The following XPA variants were observed in gnomAD, a reference collection of about 807,000 sequenced individuals.
XPA encodes DNA repair protein complementing XP-A cells.
A neutral mutation model predicts 35.7 loss-of-function variants in XPA; 27 were observed. That is an observed-to-expected ratio of 0.76 (90% CI 0.56 to 1.04). The LOEUF is 1.04. Among genes scored for constraint, XPA ranks in the 50% least tolerant of loss-of-function variants. The pLI is 0.00. For missense variants in XPA, 354 were observed against 342.7 expected, an observed-to-expected ratio of 1.03 and a Z score of -0.26; for synonymous variants, 133 against 118.4, an observed-to-expected ratio of 1.12 and a Z score of -0.80.
the XPA span, chr9:97,654,754 T>C: frequency 1.2e-6 from 1 of 838,602 alleles, no homozygotes; most frequent in African/African-American, 1.7e-5. Flanking sequence ...CAAGATTGAT[T>C]GTGTGAAAAG....
intron 3 of XPA, 89 bp from the exon 4 acceptor site, chr9:97,687,350 C>CA (rs1828752294): frequency 3.6e-6 from 4 of 1,124,850 alleles, no homozygotes; most frequent in Non-Finnish European, 4.9e-6. Flanking sequence ...GCACACACAG[C>CA]AAAAAGGACA....
At chr9:97,688,495 C>T (rs1442550477) in intron 3 of XPA, among the ~76,000 whole-genome samples, 1 of 152,190 alleles carries the variant, frequency 6.6e-6, no homozygotes, top group Non-Finnish European at 1.5e-5. Context: ...TTTGCTATGG[C>T]AAGGTAATAT....
chr9:97,683,631 A>G (rs1400491054), intron 5 of XPA, among the ~76,000 whole-genome samples: 1 of 152,254 alleles, frequency 6.6e-6, no homozygotes, highest in East Asian at 1.9e-4. Flanking sequence ...AGGAAGAGCA[A>G]AAATTAAAAT....
intron 2 of XPA, among the ~76,000 whole-genome samples, chr9:97,692,569 G>A (rs1378584239): frequency 6.6e-6 from 1 of 152,162 alleles, no homozygotes; most frequent in African/African-American, 2.4e-5. Flanking sequence ...AAGAGAAAGT[G>A]TGGTAGAAAT....
chr9:97,655,804 A>G, the XPA span: 1 of 1,545,114 alleles, frequency 6.5e-7, no homozygotes, highest in Non-Finnish European at 8.8e-7. Context: ...GTAGTCAAAA[A>G]ACTACTAATG....
At chr9:97,688,429 C>G (rs956365424) in intron 3 of XPA, among the ~76,000 whole-genome samples, 1 of 152,158 alleles carries the variant, frequency 6.6e-6, no homozygotes, top group Admixed American at 6.5e-5. Context: ...CCTGGATAAC[C>G]CAGGATAATC....
downstream of XPA, chr9:97,672,059 G>A (rs1469876174): frequency 1.3e-5 from 2 of 152,216 alleles, no homozygotes; most frequent in East Asian, 3.8e-4. Context: ...TGAATTAGAT[G>A]TGAGTTTAGA....
intron 5 of XPA, among the ~76,000 whole-genome samples, chr9:97,681,395 TC>T (rs1171776516): frequency 5.3e-5 from 8 of 152,080 alleles, no homozygotes; most frequent in Admixed American, 3.9e-4. Context: ...GAACTGAGTC[TC>T]CCGAACTCTC....
At chr9:97,664,753 A>T in the XPA span, among the ~76,000 whole-genome samples, 5 of 152,314 alleles carry the variant, frequency 3.3e-5, no homozygotes, top group South Asian at 1.0e-3. Flanking sequence ...GCAGAGTCTC[A>T]GCTAGTCCAG....
the XPA span, chr9:97,668,839 T>C: frequency 6.2e-7 from 1 of 1,608,884 alleles, no homozygotes; most frequent in Non-Finnish European, 8.5e-7. Context: ...TCATTTGCCT[T>C]CTATAGCGAA....
chr9:97,658,718 T>A, the XPA span: 2 of 1,610,758 alleles, frequency 1.2e-6, no homozygotes, highest in Non-Finnish European at 1.7e-6. Flanking sequence ...CAACCTGCAT[T>A]TACAAGTATG....
chr9:97,695,103 A>G (rs1292424528), intron 1 of XPA, among the ~76,000 whole-genome samples: 2 of 152,230 alleles, frequency 1.3e-5, no homozygotes, highest in Admixed American at 6.5e-5. Context: ...GGAAGGCGCA[A>G]TAGGAAAACT....
downstream of XPA, chr9:97,673,892 A>G (rs937375566): frequency 6.6e-6 from 1 of 152,208 alleles, no homozygotes; most frequent in African/African-American, 2.4e-5. Context: ...GAGGGTGAAT[A>G]GAAGCATCCC....
chr9:97,693,890 T>C, intron 1 of XPA, 131 bp from the exon 2 acceptor site: 3 of 835,582 alleles, frequency 3.6e-6, no homozygotes, highest in Admixed American at 4.2e-5. Flanking sequence ...TCACTACTTC[T>C]ATTCAACATT....
chr9:97,676,569 T>TA (rs141369696), intron 5 of XPA, among the ~76,000 whole-genome samples: 1,530 of 152,316 alleles, frequency 0.01, 25 homozygotes, highest in African/African-American at 0.035. Flanking sequence ...TTTAGATCTA[T>TA]AAGTAGTATC....
At chr9:97,684,819 C>T in intron 5 of XPA, 104 bp downstream of exon 5, 1 of 1,054,202 alleles carries the variant, frequency 9.5e-7, no homozygotes, top group South Asian at 1.3e-5. Context: ...CTCTAAAAAA[C>T]ACATTCCAAT....
chr9:97,665,576 C>T, the XPA span, among the ~76,000 whole-genome samples: 5 of 152,184 alleles, frequency 3.3e-5, no homozygotes, highest in African/African-American at 7.2e-5. Flanking sequence ...TAGTCCACCC[C>T]CTCCAGAGTT....
downstream of XPA, chr9:97,672,731 A>T (rs778814508): frequency 4.4e-5 from 8 of 180,086 alleles, no homozygotes; most frequent in East Asian, 1.6e-4. Context: ...CTCAACGTGA[A>T]GATGATGAGG....
the XPA span, chr9:97,664,448 T>C: frequency 6.4e-7 from 1 of 1,571,610 alleles, no homozygotes; most frequent in African/African-American, 1.4e-5. Flanking sequence ...TACCAGGTAA[T>C]ATAAATTATT....
Sources: gnomAD v4.1 joint callset for allele counts (sites outside exome capture counted in the v4.1 genomes callset) on GRCh38, gnomAD v4.1.1 for gene constraint, MANE v1.5 for transcripts, NCBI Gene and HGNC (gene_info 2026-07-23, HGNC 2026-07-21) for gene names.